RIF1: variants seen among roughly 807,000 people sequenced by gnomAD.
The protein encoded by RIF1 is telomere-associated protein RIF1.
RIF1 carries 45 observed loss-of-function variants against 247.1 expected under a neutral mutation model. The ratio of observed to expected loss-of-function variants is 0.18; its 90% CI spans 0.14 to 0.23. The LOEUF (loss-of-function observed/expected upper bound fraction) is 0.23. Among genes scored for constraint, RIF1 ranks in the 10% least tolerant of loss-of-function variants. RIF1 has a pLI of 1.00. For missense variants in RIF1, 2,967 were observed against 2,862.5 expected (o/e 1.04, Z -0.83); for synonymous variants, 1,087 against 978.8 (o/e 1.11, Z -2.06).
In RIF1 at chr2:151,462,290, C is replaced by G; in HGVS notation, c.3276C>G (p.Thr1092=). The change falls in exon 28 of 36, where the codon ACC becomes ACG. Residue 1092 remains threonine (T), a synonymous_variant. Transcript: ENST00000444746. ...ATAATCTGGATGTTTCCCAAGATAC[C>G]TTATTTACTCAGTATAGTCAGGAAG... The part of the protein sequence containing the change: ...MYNNLDVSQD[T]LFTQYSQEEP... 6.3e-7 allele frequency: 1 copy of G among 1,588,066 alleles called. No individual in the cohort carries two copies. The highest frequency in any genetic ancestry group is 8.6e-7 in the Non-Finnish European group (1 of 1,164,060).
In RIF1 at chr2:151,428,861, G is replaced by A; in HGVS notation, c.864G>A (p.Met288Ile). ...TTGGATTTCGTAGTGGAGCACCCATGATTAAAAAGATAGCTTTTATTGCTT... is the reference window on the plus strand; with the variant it reads ...TTGGATTTCGTAGTGGAGCACCCATAATTAAAAAGATAGCTTTTATTGCTT... ...EELGFRSGAPMIKKIAFIAWK... is the reference protein window; with the variant it reads ...EELGFRSGAPIIKKIAFIAWK... Residue 288 changes from methionine (M) to isoleucine (I), a missense_variant, in exon 9 of 36, where the codon ATG (methionine) becomes ATA (isoleucine). Physicochemically the swap from Met to Ile is conservative, Grantham distance 10. Around this residue, in one of 7 missense-constraint regions of RIF1, gnomAD observed 71 missense variants for 132.9 expected, o/e 0.53. Coordinates refer to ENST00000444746, the MANE Select transcript of RIF1 (RefSeq NM_018151.5). 6.5e-7 allele frequency: 1 copy of A among 1,543,888 alleles called. No homozygotes were observed. Among genetic ancestry groups the A allele is most frequent in the Non-Finnish European group, 9.0e-7 (1 of 1,116,344 alleles).
downstream of RIF1, among the ~76,000 whole-genome samples, chr2:151,510,226 G>A (rs554106678): frequency 6.6e-6 from 1 of 152,274 alleles, no homozygotes; most frequent in African/African-American, 2.4e-5. Context: ...AAACTTGTTT[G>A]TGGAGGCCTG....
At chr2:151,505,928 T>G in intron 12 of RIF1, 1 of 575,496 alleles carries the variant, frequency 1.7e-6, no homozygotes, top group South Asian at 2.2e-5. Flanking sequence ...CTGTACCGGA[T>G]TCTACCTTCT....
Position 151,480,993 on chromosome 2 carries a change from A to G in RIF1, c.*5922A>G, listed in dbSNP as rs1158691193. The stretch of plus-strand genomic sequence containing the variant: ...AAAGAAGGACATTTTGTGACACATG[A>G]AAACATATTAAATTAAAATTTCAGT... On this transcript the variant is annotated 3_prime_UTR_variant, in exon 36 of 36. Coordinates refer to ENST00000444746, the MANE Select transcript of RIF1 (RefSeq NM_018151.5). 1 of 152,216 alleles carries G rather than the reference A, an allele frequency of 6.6e-6. No homozygotes were observed. 9.4% of individuals were successfully genotyped at this position (152,216 alleles called of 1,614,324 possible).
At chr2:151,493,507 A>T in intron 9 of RIF1, 1 of 1,103,786 alleles carries the variant, frequency 9.1e-7, no homozygotes, top group Non-Finnish European at 1.3e-6. Flanking sequence ...GAAAATCATC[A>T]CTTAGCTGGT....
At position 151,462,228 on chromosome 2, in the gene RIF1, A is replaced by G. The variant is rs767829192; in HGVS notation, c.3228-14A>G. The G allele has an allele frequency of 5.9e-6, 9 of 1,513,646 alleles. No homozygotes were observed. In the Middle Eastern group the frequency reaches 7.6e-4, roughly 128 times the overall value. 93.8% of individuals were successfully genotyped at this position (1,513,646 alleles called of 1,614,324 possible). A position where few individuals can be genotyped will look rare whatever the true frequency, so the allele number is the denominator to read the frequency against. ...ATCCGGTTTTTGAAGTTACTTATAT[A>G]TAGTTTTTTTCAGGTGTGATATTCC... On this transcript the variant is annotated splice_polypyrimidine_tract_variant and intron_variant, in intron 27 of 35. Coordinates refer to ENST00000444746, the MANE Select transcript of RIF1 (RefSeq NM_018151.5).
the RIF1 span, chr2:151,516,337 C>A: frequency 1.6e-6 from 1 of 615,062 alleles, no homozygotes; most frequent in Non-Finnish European, 2.9e-6. Flanking sequence ...TTAGTGATCA[C>A]ATGATAAAAA....
At chr2:151,456,730 CTT>C (rs1333130998) in intron 23 of RIF1, 110 bp downstream of exon 23, 4 of 603,304 alleles carry the variant, frequency 6.6e-6, no homozygotes, top group East Asian at 6.4e-5. Flanking sequence ...GTTATTCCTT[CTT>C]TCTTTCTTTT....
At chr2:151,425,634 T>G (rs993614263) in intron 8 of RIF1, among the ~76,000 whole-genome samples, 1 of 151,346 alleles carries the variant, frequency 6.6e-6, no homozygotes, top group African/African-American at 2.4e-5. Flanking sequence ...CTGAAGAGGT[T>G]GTTTTTATTA....
chr2:151,474,141 T>G, intron 35 of RIF1, 69 bp downstream of exon 35: 1 of 798,100 alleles, frequency 1.3e-6, no homozygotes, highest in Non-Finnish European at 2.1e-6. Flanking sequence ...TATGTTATTT[T>G]TTTTAGTCTG....
chr2:151,516,316 T>A, the RIF1 span: 2 of 574,958 alleles, frequency 3.5e-6, no homozygotes, highest in Non-Finnish European at 6.3e-6. Context: ...ATTTCTGAGA[T>A]GGAGAAGATT....
downstream of RIF1, among the ~76,000 whole-genome samples, chr2:151,508,943 C>G (rs1022394071): frequency 6.6e-6 from 1 of 152,204 alleles, no homozygotes; most frequent in Non-Finnish European, 1.5e-5. Context: ...TTTCTTTCAT[C>G]ATCGCTTGTC....
chr2:151,491,869 G>T, intron 9 of RIF1: 1 of 1,086,362 alleles, frequency 9.2e-7, no homozygotes, highest in Non-Finnish European at 1.3e-6. Context: ...CCAAAGGATT[G>T]AATCACACTT....
At chr2:151,493,639 T>C in intron 9 of RIF1, 1 of 829,282 alleles carries the variant, frequency 1.2e-6, no homozygotes. Context: ...GGTTGGTTTG[T>C]TGTTTTTAAG....
chr2:151,509,364 A>C (rs1237172238), downstream of RIF1, among the ~76,000 whole-genome samples: 1 of 152,202 alleles, frequency 6.6e-6, no homozygotes, highest in Non-Finnish European at 1.5e-5. Flanking sequence ...GAATAGAAAC[A>C]ATCGTCCTTT....
chr2:151,506,315 C>T, exon 13 of RIF1: 1 of 1,333,438 alleles, frequency 7.5e-7, no homozygotes, highest in Non-Finnish European at 1.1e-6. Flanking sequence ...CCCAGCAGTT[C>T]CTGGAGAAAG....
chr2:151,506,201 T>C (rs761838960), intron 12 of RIF1: 1 of 1,613,768 alleles, frequency 6.2e-7, no homozygotes, highest in Admixed American at 1.7e-5. Flanking sequence ...TTCACTCTCA[T>C]CATCTCAGGT....
At chr2:151,434,856 GTATATTT>G (rs985611999) in intron 10 of RIF1, among the ~76,000 whole-genome samples, 10 of 151,984 alleles carry the variant, frequency 6.6e-5, no homozygotes, top group South Asian at 4.1e-4. Context: ...TATTTTAGGG[GTATATTT>G]TATATTTTAT....
intron 26 of RIF1, among the ~76,000 whole-genome samples, chr2:151,460,418 T>C (rs1055405639): frequency 1.3e-5 from 2 of 152,208 alleles, no homozygotes; most frequent in Non-Finnish European, 2.9e-5. Flanking sequence ...ATGACTAACA[T>C]AGGTAGCACA....
Sources: gnomAD v4.1 joint callset for allele counts (sites outside exome capture counted in the v4.1 genomes callset) on GRCh38, gnomAD v4.1.1 for gene constraint, gnomAD v4.1.1 regional missense constraint, MANE v1.5 for transcripts, NCBI Gene and HGNC (gene_info 2026-07-23, HGNC 2026-07-21) for gene names.